The following CACNA1E variants were observed in gnomAD, a reference collection of about 807,000 sequenced individuals.
The protein encoded by CACNA1E is calcium voltage-gated channel subunit alpha1 E.
A neutral mutation model predicts 259.2 loss-of-function variants in CACNA1E; 40 were observed. That is an observed-to-expected ratio of 0.15 (90% CI 0.12 to 0.20). The LOEUF is 0.20. Ranked by LOEUF, CACNA1E falls within the 10% of genes least tolerant of loss-of-function variation. CACNA1E has a pLI of 1.00. For missense variants in CACNA1E, 1,874 were observed against 3,040.1 expected, an observed-to-expected ratio of 0.62 and a Z score of 9.02; for synonymous variants, 1,104 against 1,138.5, an observed-to-expected ratio of 0.97 and a Z score of 0.61.
chr1:181,768,648 A>G (rs1659229032), intron 35 of CACNA1E, among the ~76,000 whole-genome samples: 1 of 152,220 alleles, frequency 6.6e-6, no homozygotes, highest in Non-Finnish European at 1.5e-5. Context: ...CAATAACTGT[A>G]TGGTCTAACA....
At chr1:181,528,084 C>G (rs937407596) in intron 3 of CACNA1E, among the ~76,000 whole-genome samples, 4 of 151,102 alleles carry the variant, frequency 2.6e-5, no homozygotes, top group African/African-American at 9.8e-5. Context: ...GGTTGTGTCC[C>G]TACCCAAATC....
chr1:181,367,975 A>G, intron 1 of CACNA1E, among the ~76,000 whole-genome samples: 1 of 152,220 alleles, frequency 6.6e-6, no homozygotes, highest in Admixed American at 6.5e-5. Flanking sequence ...TTGCCCCTGT[A>G]ATCCCAGCAC....
intron 1 of CACNA1E, among the ~76,000 whole-genome samples, chr1:181,323,373 C>T (rs918076767): frequency 1.3e-5 from 2 of 152,044 alleles, no homozygotes; most frequent in African/African-American, 2.4e-5. Context: ...AGCTATATGA[C>T]CACAAGAAAA....
chr1:181,680,586 C>G (rs375430159), intron 7 of CACNA1E, among the ~76,000 whole-genome samples: 1 of 152,166 alleles, frequency 6.6e-6, no homozygotes, highest in African/African-American at 2.4e-5. Flanking sequence ...GCCCTGCCTC[C>G]GGAAACGAAG....
intron 7 of CACNA1E, among the ~76,000 whole-genome samples, chr1:181,676,483 T>C (rs911390817): frequency 2.0e-4 from 31 of 152,218 alleles, no homozygotes; most frequent in African/African-American, 7.2e-4. Flanking sequence ...CCCCTTGTGC[T>C]TGTTTGATAT....
intron 1 of CACNA1E, among the ~76,000 whole-genome samples, chr1:181,385,961 G>A (rs1462133795): frequency 6.6e-6 from 1 of 151,986 alleles, no homozygotes; most frequent in Non-Finnish European, 1.5e-5. Flanking sequence ...GAAGAGAGTA[G>A]AGATAAAGTA....
chr1:181,412,901 A>G (rs983315229), intron 1 of CACNA1E, among the ~76,000 whole-genome samples: 5 of 152,258 alleles, frequency 3.3e-5, no homozygotes, highest in Non-Finnish European at 4.4e-5. Context: ...CTGGGGGCCC[A>G]GCCTGGTCCG....
chr1:181,533,173 T>G (rs995643168), intron 3 of CACNA1E, among the ~76,000 whole-genome samples: 1 of 151,874 alleles, frequency 6.6e-6, no homozygotes, highest in African/African-American at 2.4e-5. Context: ...AATCCAAGAC[T>G]CTGATGAAGA....
At chr1:181,602,591 G>A (rs1238977797) in intron 6 of CACNA1E, among the ~76,000 whole-genome samples, 1 of 152,098 alleles carries the variant, frequency 6.6e-6, no homozygotes, top group Non-Finnish European at 1.5e-5. Flanking sequence ...GGGATGGGAG[G>A]GTGGTCAATG....
At chr1:181,397,131 A>G (rs1194021407) in intron 1 of CACNA1E, among the ~76,000 whole-genome samples, 1 of 152,156 alleles carries the variant, frequency 6.6e-6, no homozygotes, top group Non-Finnish European at 1.5e-5. Flanking sequence ...CTTCACAGTA[A>G]AAAAGGGCAG....
chr1:181,426,288 G>A (rs1408436457), intron 2 of CACNA1E, among the ~76,000 whole-genome samples: 3 of 151,222 alleles, frequency 2.0e-5, no homozygotes, highest in African/African-American at 7.3e-5. Flanking sequence ...GCCACTATCC[G>A]TCTCAAGCCC....
At position 181,732,445 on chromosome 1, in the gene CACNA1E, A is replaced by C. The variant is rs1435830171; in HGVS notation, c.2359A>C (p.Lys787Gln). 1 of 1,549,700 alleles carries C rather than the reference A, an allele frequency of 6.5e-7. No individual in the cohort carries two copies. Among genetic ancestry groups the C allele is most frequent in the East Asian group, 2.4e-5 (1 of 40,878 alleles). ...VWEQRTSQLRKHMQMSSQEAL... is the reference protein window; with the variant it reads ...VWEQRTSQLRQHMQMSSQEAL... ...GGAGCAGCGTACCAGCCAGCTGAGG[A>C]AGCACATGCAGATGTCCAGCCAGGA... is the stretch of plus-strand genomic sequence containing the variant. The change falls in exon 20 of 48, where the codon AAG (lysine) becomes CAG (glutamine). Residue 787 changes from lysine (K) to glutamine (Q), a missense_variant. Coordinates refer to ENST00000367573, the MANE Select transcript of CACNA1E (RefSeq NM_001205293.3). This position sits in a 1 kb window ranked among gnomAD's most constrained non-coding sequence, Gnocchi z 5.5.
At chr1:181,619,592 G>A (rs556564955) in intron 6 of CACNA1E, among the ~76,000 whole-genome samples, 1 of 152,262 alleles carries the variant, frequency 6.6e-6, no homozygotes, top group Non-Finnish European at 1.5e-5. Flanking sequence ...ACTGAAAGGG[G>A]GCAAAGATGG....
At position 181,800,687 on chromosome 1, in the gene CACNA1E, C is replaced by A. The variant is rs1186648915; in HGVS notation, c.*1853C>A. The A allele has an allele frequency of 6.5e-6, 1 of 152,696 alleles. No individual in the cohort carries two copies. The highest frequency in any genetic ancestry group is 2.4e-5 in the African/African-American group (1 of 41,462). The allele number at this position is 152,696 out of a possible 1,614,324, so 9.5% of individuals were successfully genotyped here. ...ACTCCTCCTCTTGGGCAGGAGCAAT[C>A]CAGAGTTGTTATTTTTCTTAGAAGG... On this transcript the variant is annotated 3_prime_UTR_variant, in exon 48 of 48. Coordinates refer to ENST00000367573, the MANE Select transcript of CACNA1E (RefSeq NM_001205293.3).
At chr1:181,661,788 A>G (rs1647710159) in intron 7 of CACNA1E, among the ~76,000 whole-genome samples, 1 of 152,220 alleles carries the variant, frequency 6.6e-6, no homozygotes, top group Non-Finnish European at 1.5e-5. Context: ...TTTTATAAAT[A>G]GAGATACTGT....
At chr1:181,749,440 T>G (rs1386232874) in intron 25 of CACNA1E, among the ~76,000 whole-genome samples, 2 of 152,230 alleles carry the variant, frequency 1.3e-5, no homozygotes, top group Non-Finnish European at 2.9e-5. Flanking sequence ...CTGTGCTGTT[T>G]GACAGAACCT....
Position 181,785,849 on chromosome 1 carries a change from G to A in CACNA1E, c.5786+30G>A, listed in dbSNP as rs909559630. The A allele has an allele frequency of 4.2e-6, 6 of 1,438,326 alleles. No individual in the cohort carries two copies. In the African/African-American group the frequency reaches 8.6e-5, roughly 21 times the overall value. The allele number at this position is 1,438,326 out of a possible 1,614,324, so 89.1% of individuals were successfully genotyped here. Reference sequence around the variant, plus strand: ...GTAGCACCAAAACATCCCTGGCATGGCTGTTTGCAATCTGTCACCCATGCT... The same window carrying A: ...GTAGCACCAAAACATCCCTGGCATGACTGTTTGCAATCTGTCACCCATGCT... On this transcript the variant is annotated intron_variant, in intron 43 of 47. Transcript: ENST00000367573.
intron 39 of CACNA1E, among the ~76,000 whole-genome samples, chr1:181,782,147 A>G (rs1044453866): frequency 2.6e-5 from 4 of 152,246 alleles, no homozygotes; most frequent in African/African-American, 9.6e-5. Flanking sequence ...GCTCTATTCC[A>G]CTAGCCCAGC....
chr1:181,406,230 G>A (rs1306629872), intron 1 of CACNA1E, among the ~76,000 whole-genome samples: 1 of 152,094 alleles, frequency 6.6e-6, no homozygotes, highest in Non-Finnish European at 1.5e-5. Context: ...AGAGAAATAA[G>A]TTTTTATTTT....
Sources: gnomAD v4.1 joint callset for allele counts (sites outside exome capture counted in the v4.1 genomes callset) on GRCh38, gnomAD v4.1.1 for gene constraint, Gnocchi (gnomAD v3.1) non-coding constraint, MANE v1.5 for transcripts, NCBI Gene and HGNC (gene_info 2026-07-23, HGNC 2026-07-21) for gene names.